The following RSPH1 variants were observed in gnomAD, a reference collection of about 807,000 sequenced individuals.
The protein encoded by RSPH1 is radial spoke head 1 homolog.
In RSPH1, 32 loss-of-function variants were observed where a neutral mutation model predicts 44.2. The observed-to-expected ratio is 0.72, with a 90% CI of 0.55 to 0.97. The LOEUF (loss-of-function observed/expected upper bound fraction) is 0.97, where lower values mean the gene tolerates loss of function less well. Among genes scored for constraint, RSPH1 ranks in the 50% least tolerant of loss-of-function variants. RSPH1 has a pLI of 0.00. For missense variants in RSPH1, 391 were observed against 398.7 expected (o/e 0.98, Z 0.16); for synonymous variants, 134 against 147.3 (o/e 0.91, Z 0.65).
At chr21:42,488,664 C>A (rs749887501) in intron 3 of RSPH1, among the ~76,000 whole-genome samples, 3 of 152,080 alleles carry the variant, frequency 2.0e-5, no homozygotes, top group Non-Finnish European at 4.4e-5. Flanking sequence ...GGACGGTGAG[C>A]AAAATTTTTT....
chr21:42,475,884 C>G lies in RSPH1; in HGVS notation c.877+14G>C. On this transcript the variant is annotated intron_variant, in intron 8 of 8. Coordinates refer to ENST00000291536, the MANE Select transcript of RSPH1 (RefSeq NM_080860.4). ...TGCGGGCCCTCGCCCCACTTCCCTGCGCAGGGACCTCACCCTCATCCATGT... is the reference window on the plus strand; with the variant it reads ...TGCGGGCCCTCGCCCCACTTCCCTGGGCAGGGACCTCACCCTCATCCATGT... 6.2e-7 allele frequency: 1 copy of G among 1,609,062 alleles called. No homozygotes were observed. Among genetic ancestry groups the G allele is most frequent in the Non-Finnish European group, 8.5e-7 (1 of 1,179,006 alleles).
intron 3 of RSPH1, among the ~76,000 whole-genome samples, chr21:42,489,887 CG>C (rs2054218955): frequency 6.6e-6 from 1 of 152,170 alleles, no homozygotes; most frequent in Non-Finnish European, 1.5e-5. Context: ...TCCTGCCATT[CG>C]GGGGCTTCCA....
rs183911792 is a variant in RSPH1 at position 42,482,571 on chromosome 21, G to C, written c.573+66C>G. The C allele has an allele frequency of 5.6e-5, 66 of 1,178,124 alleles. No individual in the cohort carries two copies. The East Asian group carries it at 1.6e-3, about 28-fold the overall frequency. The allele number at this position is 1,178,124 out of a possible 1,614,324, so 73.0% of individuals were successfully genotyped here. A position where few individuals can be genotyped will look rare whatever the true frequency, so the allele number is the denominator to read the frequency against. On this transcript the variant is annotated intron_variant, in intron 6 of 8. Transcript: ENST00000291536. ...AGGCGAATCACCTCCAACCTTGCAG[G>C]ATCAATATTTTTGAGCAGCTACTTC... is the stretch of plus-strand genomic sequence containing the variant.
At chr21:42,485,383 A>C (rs2054168659) in intron 5 of RSPH1, 1 of 423,240 alleles carries the variant, frequency 2.4e-6, no homozygotes, top group Admixed American at 3.7e-5. Context: ...CAAGAGGTTC[A>C]GATGCCCTCT....
At chr21:42,482,429 G>A (rs755898175) in intron 6 of RSPH1, among the ~76,000 whole-genome samples, 1 of 152,194 alleles carries the variant, frequency 6.6e-6, no homozygotes, top group African/African-American at 2.4e-5. Context: ...ACAAAGTCTA[G>A]AGTTCTGCAA....
At chr21:42,484,556 G>C (rs897401661) in intron 5 of RSPH1, 6 of 152,180 alleles carry the variant, frequency 3.9e-5, no homozygotes, top group African/African-American at 1.4e-4. Context: ...GGAAGGATTG[G>C]GCCCAGGGTG....
intron 3 of RSPH1, among the ~76,000 whole-genome samples, chr21:42,490,670 G>A (rs2054227020): frequency 6.6e-6 from 1 of 152,156 alleles, no homozygotes; most frequent in Non-Finnish European, 1.5e-5. Flanking sequence ...TTTATTCATG[G>A]TTCCCAGCAC....
rs765302815 is a variant in RSPH1 at position 42,486,269 on chromosome 21, C to T, written c.365+102G>A. The T allele has an allele frequency of 1.5e-5, 14 of 921,104 alleles. No individual in the cohort carries two copies. The South Asian group carries it at 2.0e-4, about 13-fold the overall frequency. 57.1% of individuals were successfully genotyped at this position (921,104 alleles called of 1,614,324 possible). ...CTGCCTGGCAGAGTTGGTAACTGGG[C>T]TTTTGTTATGATTCTGTTCCTCAGT... On this transcript the variant is annotated intron_variant, in intron 4 of 8. Transcript: ENST00000291536.
chr21:42,487,094 C>G (rs2054187746), intron 3 of RSPH1, among the ~76,000 whole-genome samples: 1 of 152,192 alleles, frequency 6.6e-6, no homozygotes, highest in Non-Finnish European at 1.5e-5. Flanking sequence ...TGTTTGAACT[C>G]TTCCCTCACC....
At chr21:42,480,895 A>C (rs2054121934) in intron 6 of RSPH1, among the ~76,000 whole-genome samples, 1 of 152,170 alleles carries the variant, frequency 6.6e-6, no homozygotes, top group African/African-American at 2.4e-5. Flanking sequence ...AGCTTTCCAC[A>C]GCCTCACACC....
chr21:42,493,188 C>A, intron 1 of RSPH1, 109 bp from the exon 2 acceptor site: 1 of 889,948 alleles, frequency 1.1e-6, no homozygotes, highest in Non-Finnish European at 1.8e-6. Context: ...ATGCTAAACC[C>A]CCGGCACTAT....
intron 6 of RSPH1, among the ~76,000 whole-genome samples, chr21:42,480,665 A>C (rs1239812647): frequency 6.6e-6 from 1 of 151,508 alleles, no homozygotes; most frequent in Non-Finnish European, 1.5e-5. Context: ...AAAAAAAAAA[A>C]ACCTGTCTGG....
intron 1 of RSPH1, 51 bp from the exon 2 acceptor site, chr21:42,493,130 C>T (rs1187987916): frequency 1.4e-6 from 2 of 1,456,340 alleles, no homozygotes; most frequent in Admixed American, 1.7e-5. Context: ...TAAGCGCTAA[C>T]CAGGTGCTAA....
Position 42,492,878 on chromosome 21 carries a change from T to C in RSPH1, c.169-15A>G. The C allele has an allele frequency of 6.3e-7, 1 of 1,587,382 alleles. No individual in the cohort carries two copies. Among genetic ancestry groups the C allele is most frequent in the Non-Finnish European group, 8.7e-7 (1 of 1,155,730 alleles). On this transcript the variant is annotated splice_polypyrimidine_tract_variant and intron_variant, in intron 2 of 8. Transcript: ENST00000291536. ...TTGTAGATCCCCTGAAACACATTGATTATATCATTCATATCATTGCTGAAT... is the reference window on the plus strand; with the variant it reads ...TTGTAGATCCCCTGAAACACATTGACTATATCATTCATATCATTGCTGAAT...
chr21:42,475,836 T>A, intron 8 of RSPH1, 62 bp downstream of exon 8: 1 of 1,569,482 alleles, frequency 6.4e-7, no homozygotes, highest in Non-Finnish European at 8.7e-7. Flanking sequence ...GGAAGGGGAA[T>A]CCCACTGTTC....
At chr21:42,475,376 G>T (rs2054034975) in intron 8 of RSPH1, among the ~76,000 whole-genome samples, 1 of 151,960 alleles carries the variant, frequency 6.6e-6, no homozygotes, top group African/African-American at 2.4e-5. Context: ...AGACCAGTCT[G>T]TCCAACACGG....
In RSPH1 at chr21:42,474,507, A is replaced by C. The variant is rs1258654112; in HGVS notation, c.877+1391T>G. Among the ~76,000 whole-genome samples the C allele has an allele frequency of 6.6e-6, 1 of 152,178 alleles. No individual in the cohort carries two copies. The highest frequency in any genetic ancestry group is 2.4e-5 in the African/African-American group (1 of 41,446). ...CACTCCCACACTGCCTATCAAACCC[A>C]GTGTCTCCCCCTCCAGCTGTGCTCC... On this transcript the variant is annotated intron_variant, in intron 8 of 8. Transcript: ENST00000291536. This position sits in a 1 kb window ranked among gnomAD's most constrained non-coding sequence, Gnocchi z 5.2.
rs767700639 is a variant in RSPH1, at chr21:42,477,362, A to AG, written c.655dup (p.Leu219ProfsTer24). On this transcript the variant is annotated frameshift_variant, in exon 7 of 9. Coordinates refer to ENST00000291536, the MANE Select transcript of RSPH1 (RefSeq NM_080860.4). LOFTEE classifies it high-confidence loss of function. ...CTTTTTGGGGAGAGTTGGTGTCCACAGGGCCAATTCAGTGATTTGGGTAGC... is the reference window on the plus strand; with the variant it reads ...CTTTTTGGGGAGAGTTGGTGTCCACAGGGGCCAATTCAGTGATTTGGGTAGC... The AG allele has an allele frequency of 6.2e-7, 1 of 1,609,738 alleles. No homozygotes were observed. Among genetic ancestry groups the AG allele is most frequent in the South Asian group, 1.1e-5 (1 of 90,930 alleles).
At chr21:42,477,027 GT>G (rs2054063368) in intron 7 of RSPH1, among the ~76,000 whole-genome samples, 1 of 33,740 alleles carries the variant, frequency 3.0e-5, no homozygotes, top group Non-Finnish European at 7.0e-5. Context: ...CACACCCTCT[GT>G]CCCACAGCCC....
Sources: allele counts gnomAD v4.1 joint callset (sites outside exome capture counted in the v4.1 genomes callset), GRCh38; gene constraint gnomAD v4.1.1; non-coding constraint Gnocchi (gnomAD v3.1); transcripts MANE v1.5; gene names NCBI Gene and HGNC (gene_info 2026-07-23, HGNC 2026-07-21).